PGGT1B: variants seen among roughly 807,000 people sequenced by gnomAD.
The protein encoded by PGGT1B is geranylgeranyl transferase type-1 subunit beta.
In PGGT1B, 30 loss-of-function variants were observed where a neutral mutation model predicts 46.1. The observed-to-expected ratio is 0.65, with a 90% CI of 0.49 to 0.88. The LOEUF is 0.88. PGGT1B is among the 40% of genes least tolerant of loss of function. The pLI, the probability that PGGT1B is intolerant of heterozygous loss-of-function variation, is 0.00. For synonymous variants in PGGT1B, 170 were observed against 160.0 expected (o/e 1.06, Z -0.47); for missense variants, 376 against 455.9 (o/e 0.82, Z 1.60).
chr5:115,246,458 A>G (rs1274860830), intron 2 of PGGT1B, among the ~76,000 whole-genome samples: 1 of 152,158 alleles, frequency 6.6e-6, no homozygotes, highest in Admixed American at 6.5e-5. Flanking sequence ...TTGGAATTCT[A>G]GTAAGCATAC....
intron 7 of PGGT1B, among the ~76,000 whole-genome samples, chr5:115,220,596 A>G (rs539941858): frequency 6.6e-6 from 1 of 152,104 alleles, no homozygotes; most frequent in Non-Finnish European, 1.5e-5. Flanking sequence ...AACTGTTAGT[A>G]TAATGTGCTA....
Position 115,212,490 on chromosome 5 carries a change from C to T in PGGT1B, c.1046G>A (p.Arg349Gln), listed in dbSNP as rs761320530. 3.7e-6 allele frequency: 6 copies of T among 1,613,132 alleles called. No homozygotes were observed. Among genetic ancestry groups the T allele is most frequent in the East Asian group, 2.2e-5 (1 of 44,840 alleles). ...GAGATCTAGAAGGCGTTCAGAAGTCCGTGTGCTTACATTCAGAGCAGGATG... is the reference window on the plus strand; with the variant it reads ...GAGATCTAGAAGGCGTTCAGAAGTCTGTGTGCTTACATTCAGAGCAGGATG... ...KVHPALNVST[R>Q]TSERLLDLHQ... is the part of the protein sequence containing the mutation. The change falls in exon 9 of 9, where the codon CGG (arginine) becomes CAG (glutamine). Residue 349 changes from arginine (R) to glutamine (Q), a missense_variant. Arg to Gln is a conservative substitution (Grantham distance 43). Transcript: ENST00000419445.
intron 6 of PGGT1B, among the ~76,000 whole-genome samples, chr5:115,224,639 G>C (rs564604211): frequency 2.6e-5 from 4 of 152,218 alleles, no homozygotes; most frequent in Non-Finnish European, 5.9e-5. Context: ...GGAGGCCAAA[G>C]TGAGAGAACT....
chr5:115,244,466 CAAA>C (rs1299602640), intron 2 of PGGT1B, among the ~76,000 whole-genome samples: 1 of 31,196 alleles, frequency 3.2e-5, no homozygotes, highest in Admixed American at 6.2e-4. Flanking sequence ...CTCTGTCTCA[CAAA>C]AAAAAAAAAA....
intron 1 of PGGT1B, among the ~76,000 whole-genome samples, chr5:115,256,995 G>A (rs969825178): frequency 6.6e-6 from 1 of 152,142 alleles, no homozygotes; most frequent in African/African-American, 2.4e-5. Flanking sequence ...AGCCTGAGAA[G>A]TGTAAATAAG....
In PGGT1B at chr5:115,208,431, T is replaced by C. The variant is rs1445259396; in HGVS notation, c.*3971A>G. 2 of 152,040 alleles carry C rather than the reference T, an allele frequency of 1.3e-5. No homozygotes were observed. The highest frequency in any genetic ancestry group is 2.1e-4 in the South Asian group (1 of 4,836). 9.4% of individuals were successfully genotyped at this position (152,040 alleles called of 1,614,324 possible). A position where few individuals can be genotyped will look rare whatever the true frequency, so the allele number is the denominator to read the frequency against. On this transcript the variant is annotated 3_prime_UTR_variant, in exon 9 of 9. Coordinates refer to ENST00000419445, the MANE Select transcript of PGGT1B (RefSeq NM_005023.4). ...TTTTAACTATTTGTTTCTTCTACGG[T>C]AATTGGTTTGTTGTGACTTTATCTA...
intron 6 of PGGT1B, among the ~76,000 whole-genome samples, chr5:115,223,389 T>G (rs1338411313): frequency 1.3e-5 from 2 of 152,140 alleles, no homozygotes; most frequent in Non-Finnish European, 2.9e-5. Context: ...GGGCCCTAAT[T>G]GTACTCACAA....
At position 115,253,388 on chromosome 5, in the gene PGGT1B, A is replaced by C. The variant is rs1748185605; in HGVS notation, c.141-133T>G. The C allele has an allele frequency of 1.5e-5, 9 of 613,294 alleles. No homozygotes were observed. The South Asian group carries it at 1.9e-4, about 13-fold the overall frequency. The allele number at this position is 613,294 out of a possible 1,614,324, so 38.0% of individuals were successfully genotyped here. ...AACAATACTTCCACCTTGCAAAAGC[A>C]AAAAATATATATATACATATTCTTG... On this transcript the variant is annotated intron_variant, in intron 1 of 8. Coordinates refer to ENST00000419445, the MANE Select transcript of PGGT1B (RefSeq NM_005023.4).
chr5:115,221,068 G>C (rs1756573626), intron 7 of PGGT1B, among the ~76,000 whole-genome samples: 1 of 151,936 alleles, frequency 6.6e-6, no homozygotes, highest in Non-Finnish European at 1.5e-5. Flanking sequence ...GAGAGACAGG[G>C]AGACTACTGT....
chr5:115,222,356 T>G (rs2126995791), intron 6 of PGGT1B, among the ~76,000 whole-genome samples: 1 of 152,282 alleles, frequency 6.6e-6, no homozygotes, highest in South Asian at 2.1e-4. Flanking sequence ...GATTTTTAAC[T>G]CTCTTAAAGA....
chr5:115,232,768 T>C (rs559708477), intron 5 of PGGT1B, among the ~76,000 whole-genome samples: 68 of 152,084 alleles, frequency 4.5e-4, no homozygotes, highest in African/African-American at 1.6e-3. Flanking sequence ...AGAGGCCTGG[T>C]AAACACAGCA....
chr5:115,248,453 T>A (rs1561483827), intron 2 of PGGT1B, among the ~76,000 whole-genome samples: 2 of 152,174 alleles, frequency 1.3e-5, no homozygotes, highest in Non-Finnish European at 2.9e-5. Flanking sequence ...CTGTTCTAAG[T>A]CTAAAATTCT....
chr5:115,236,599 C>T, intron 4 of PGGT1B, 77 bp from the exon 5 acceptor site: 1 of 860,474 alleles, frequency 1.2e-6, no homozygotes, highest in Non-Finnish European at 1.7e-6. Context: ...AGAAACACCT[C>T]CTGCTTGTCT....
intron 5 of PGGT1B, 59 bp downstream of exon 5, chr5:115,236,331 A>G: frequency 1.5e-6 from 2 of 1,331,404 alleles, no homozygotes; most frequent in Non-Finnish European, 2.1e-6. Flanking sequence ...ACACTATAAT[A>G]CAGCCCTCAT....
intron 7 of PGGT1B, among the ~76,000 whole-genome samples, chr5:115,219,277 C>A (rs265425): frequency 0.72 from 109,444 of 151,600 alleles, 40,745 homozygotes; most frequent in African/African-American, 0.92. Context: ...TAAAATAAGA[C>A]GTCCAGAAAC....
intron 2 of PGGT1B, among the ~76,000 whole-genome samples, chr5:115,249,590 A>C (rs1411523360): frequency 1.3e-5 from 2 of 151,074 alleles, no homozygotes; most frequent in African/African-American, 4.8e-5. Flanking sequence ...AATCGGAATG[A>C]GTCAGGGAGG....
At chr5:115,240,507 C>T (rs559478434) in intron 3 of PGGT1B, among the ~76,000 whole-genome samples, 88 of 152,244 alleles carry the variant, frequency 5.8e-4, no homozygotes, top group Non-Finnish European at 9.9e-4. Flanking sequence ...GACAAATTTT[C>T]TGAATCCTTT....
Position 115,241,405 on chromosome 5 carries a change from T to C in PGGT1B, c.327+134A>G, listed in dbSNP as rs6878352. 687 of 455,136 alleles carry C rather than the reference T, an allele frequency of 1.5e-3. 3 individuals carry two copies. Among genetic ancestry groups the C allele is most frequent in the African/African-American group, 0.012 (610 of 49,318 alleles). 28.2% of individuals were successfully genotyped at this position (455,136 alleles called of 1,614,324 possible). On this transcript the variant is annotated intron_variant, in intron 3 of 8. Transcript: ENST00000419445. Reference sequence around the variant, plus strand: ...TTAAAGGATTTCAGTTTATAATATATATATATTATTAGACAACATTTAGCC... The same window carrying C: ...TTAAAGGATTTCAGTTTATAATATACATATATTATTAGACAACATTTAGCC...
chr5:115,242,860 G>C (rs1015809071), intron 2 of PGGT1B, among the ~76,000 whole-genome samples: 2 of 152,064 alleles, frequency 1.3e-5, no homozygotes, highest in East Asian at 1.9e-4. Context: ...CCAGCTACTG[G>C]GGAAGCTGAG....
Sources: allele counts gnomAD v4.1 joint callset (sites outside exome capture counted in the v4.1 genomes callset), GRCh38; gene constraint gnomAD v4.1.1; transcripts MANE v1.5; gene names NCBI Gene and HGNC (gene_info 2026-07-23, HGNC 2026-07-21).